SH3TC1: variants seen among roughly 807,000 people sequenced by gnomAD.
SH3TC1 encodes the protein SH3 domain and tetratricopeptide repeats 1.
SH3TC1 carries 135 observed loss-of-function variants against 117.3 expected under a neutral mutation model. That is an observed-to-expected ratio of 1.15 (90% CI 1.00 to 1.33). SH3TC1 has a LOEUF of 1.33. SH3TC1 is among the 40% of genes most tolerant of loss of function. SH3TC1 has a pLI of 0.00. For missense variants in SH3TC1, 2,092 were observed against 1,794.3 expected (o/e 1.17, Z -3.00); for synonymous variants, 898 against 816.9 (o/e 1.10, Z -1.69).
In SH3TC1 at chr4:8,225,342, C is replaced by T. The variant is rs1030964369; in HGVS notation, c.1285+126C>T. 9.5e-5 allele frequency: 106 copies of T among 1,119,336 alleles called. No individual in the cohort carries two copies. Among genetic ancestry groups the T allele is most frequent in the South Asian group, 3.3e-4 (23 of 70,164 alleles). 69.3% of individuals were successfully genotyped at this position (1,119,336 alleles called of 1,614,324 possible). On this transcript the variant is annotated intron_variant, in intron 11 of 17. Transcript: ENST00000245105. The surrounding 1 kb of genome is among the most constrained non-coding windows in gnomAD (Gnocchi z 5.5). ...GGCTGTCACCCCTCTGTGGTGTGGG[C>T]TGGGGGCTTGGGGGAGGTTGCCTGA...
At chr4:8,214,178 G>A (rs1404471594) in intron 4 of SH3TC1, among the ~76,000 whole-genome samples, 1 of 152,152 alleles carries the variant, frequency 6.6e-6, no homozygotes, top group African/African-American at 2.4e-5. Flanking sequence ...TCACTGGTGT[G>A]TGGGGGATAA....
At position 8,227,450 on chromosome 4, in the gene SH3TC1, G is replaced by GC; in HGVS notation, c.1757dup (p.Leu587AlafsTer50). 2 of 1,562,356 alleles carry GC rather than the reference G, an allele frequency of 1.3e-6. No homozygotes were observed. Among genetic ancestry groups the GC allele is most frequent in the Non-Finnish European group, 1.7e-6 (2 of 1,158,396 alleles). ...CCAGGCCCGGGTGTACTTTGAGGAA[G>GC]CGCTGGGGGCCCTGGAGGGCAGCTT... On this transcript the variant is annotated frameshift_variant, in exon 12 of 18. Coordinates refer to ENST00000245105, the MANE Select transcript of SH3TC1 (RefSeq NM_018986.5). LOFTEE classifies it high-confidence loss of function.
chr4:8,209,753 G>C lies in SH3TC1; in HGVS notation c.178G>C (p.Ala60Pro). 2 of 1,613,728 alleles carry C rather than the reference G, an allele frequency of 1.2e-6. No homozygotes were observed. Among genetic ancestry groups the C allele is most frequent in the South Asian group, 1.1e-5 (1 of 91,056 alleles). Residue 60 changes from alanine (A) to proline (P), a missense_variant, in exon 3 of 18, where the codon GCT becomes CCT. Coordinates refer to ENST00000245105, the MANE Select transcript of SH3TC1 (RefSeq NM_018986.5). This position sits in a 1 kb window ranked among gnomAD's most constrained non-coding sequence, Gnocchi z 5.9. ...GGGAACCTGCTGTGTTGCAGACGAG[G>C]CTCCTCCTGCCCGCGTGGCTGGGCC... ...EAKAPVRGDE[A>P]PPARVAGPAA...
intron 7 of SH3TC1, among the ~76,000 whole-genome samples, chr4:8,217,582 G>A (rs1719426078): frequency 6.6e-6 from 1 of 152,244 alleles, no homozygotes; most frequent in Non-Finnish European, 1.5e-5. Flanking sequence ...GCTGAAGCGG[G>A]GGGCATTAAC....
At chr4:8,185,410 C>T (rs571557484) in intron 1 of SH3TC1, among the ~76,000 whole-genome samples, 1 of 152,226 alleles carries the variant, frequency 6.6e-6, no homozygotes, top group South Asian at 2.1e-4. Flanking sequence ...GAAATGGAGT[C>T]ATGTATCTGT....
At position 8,210,978 on chromosome 4, in the gene SH3TC1, G is replaced by C. The variant is rs997307927; in HGVS notation, c.247+1156G>C. Among the ~76,000 whole-genome samples the C allele has an allele frequency of 2.0e-5, 3 of 151,616 alleles. No homozygotes were observed. The highest frequency in any genetic ancestry group is 7.3e-5 in the African/African-American group (3 of 41,068). ...TTCAAAGGTGTGAGAATCCATCTCT[G>C]TCTCTGTCTCATTTCCATCTGTCTC... On this transcript the variant is annotated intron_variant, in intron 3 of 17. Transcript: ENST00000245105. This position sits in a 1 kb window ranked among gnomAD's most constrained non-coding sequence, Gnocchi z 4.1.
chr4:8,231,856 CTG>C, intron 12 of SH3TC1, 118 bp from the exon 13 acceptor site: 1 of 1,224,248 alleles, frequency 8.2e-7, no homozygotes, highest in Non-Finnish European at 1.1e-6. Context: ...GGTTCCCCGC[CTG>C]TGGGGCCCAG....
At chr4:8,238,084 C>T (rs1721983423) in intron 17 of SH3TC1, among the ~76,000 whole-genome samples, 1 of 152,200 alleles carries the variant, frequency 6.6e-6, no homozygotes, top group African/African-American at 2.4e-5. Context: ...CATGTTGCAA[C>T]ATCCAACCCA....
chr4:8,227,114 G>C lies in SH3TC1; in HGVS notation c.1420G>C (p.Asp474His). The C allele has an allele frequency of 6.2e-7, 1 of 1,612,704 alleles. No individual in the cohort carries two copies. The highest frequency in any genetic ancestry group is 1.3e-5 in the African/African-American group (1 of 75,034). The change falls in exon 12 of 18, where the codon GAC becomes CAC. Residue 474 changes from aspartate to histidine, a missense_variant. Coordinates refer to ENST00000245105, the MANE Select transcript of SH3TC1 (RefSeq NM_018986.5). ...ASWGLCAASS[D>H]VSLQDPEEPS... ...CTGGGGTCTCTGTGCGGCATCCAGC[G>C]ACGTGAGCTTGCAGGACCCCGAGGA...
At chr4:8,196,479 G>A (rs1717559603), upstream of SH3TC1, among the ~76,000 whole-genome samples, 1 of 152,148 alleles carries the variant, frequency 6.6e-6, no homozygotes. The surrounding 1 kb of genome is among the most constrained non-coding windows in gnomAD (Gnocchi z 4.6). Flanking sequence ...ATGCCTCGGG[G>A]GTGGCCACTC....
chr4:8,233,567 C>T (rs769086737), intron 14 of SH3TC1, 54 bp downstream of exon 14: 1 of 1,522,902 alleles, frequency 6.6e-7, no homozygotes, highest in Non-Finnish European at 8.8e-7. Context: ...CTCCATCCAT[C>T]CATCCGTCCA....
rs775496304 is a variant in SH3TC1, at chr4:8,235,517, G to A, written c.3367G>A (p.Gly1123Arg). 2.5e-5 allele frequency: 40 copies of A among 1,606,558 alleles called. No individual in the cohort carries two copies. Among genetic ancestry groups the A allele is most frequent in the Middle Eastern group, 1.7e-4 (1 of 6,032 alleles). ...FEAAGDIFFD[G>R]AWEREKAVSF... ...GGCGGCTGGAGACATCTTCTTCGAC[G>A]GGGCCTGGGAGCGGGAGAAAGCTGT... The change falls in exon 15 of 18, where the codon GGG becomes AGG. Residue 1123 changes from glycine (G) to arginine (R), a missense_variant. By Grantham distance (125) the Gly-to-Arg change is moderately radical (BLOSUM62 -2). Coordinates refer to ENST00000245105, the MANE Select transcript of SH3TC1 (RefSeq NM_018986.5).
chr4:8,226,809 G>A (rs1196378631), intron 11 of SH3TC1, among the ~76,000 whole-genome samples, 171 bp from the exon 12 acceptor site: 2 of 152,156 alleles, frequency 1.3e-5, no homozygotes, highest in Non-Finnish European at 2.9e-5. Context: ...CCAGGCCCTG[G>A]GTTTGCATTG....
rs371754143 is a variant in SH3TC1, at chr4:8,216,300, G to A, written c.628+43G>A. 43 of 1,590,642 alleles carry A rather than the reference G, an allele frequency of 2.7e-5. No individual in the cohort carries two copies. In the African/African-American group the frequency reaches 5.3e-4, roughly 20 times the overall value. On this transcript the variant is annotated intron_variant, in intron 6 of 17. Coordinates refer to ENST00000245105, the MANE Select transcript of SH3TC1 (RefSeq NM_018986.5). Reference sequence around the variant, plus strand: ...TGATGGCCGAGATCCAGCTGTGCGGGGCACTCCCGGGCCATGGGGTGACAG... The same window carrying A: ...TGATGGCCGAGATCCAGCTGTGCGGAGCACTCCCGGGCCATGGGGTGACAG...
intron 8 of SH3TC1, among the ~76,000 whole-genome samples, chr4:8,219,066 C>A (rs1033720793): frequency 1.7e-4 from 26 of 152,154 alleles, no homozygotes; most frequent in Non-Finnish European, 2.9e-5. Context: ...GAGGAAAGAG[C>A]CTTGGCCTTG....
intron 1 of SH3TC1, among the ~76,000 whole-genome samples, chr4:8,188,442 A>G (rs948871474): frequency 6.6e-5 from 10 of 152,198 alleles, no homozygotes; most frequent in Non-Finnish European, 8.8e-5. Flanking sequence ...CCCCTCCCCT[A>G]CGCTGGCAGG....
chr4:8,214,419 G>A, intron 4 of SH3TC1, 56 bp from the exon 5 acceptor site: 1 of 1,533,540 alleles, frequency 6.5e-7, no homozygotes, highest in South Asian at 1.1e-5. Context: ...CTGTCCTCCT[G>A]ACAGATGCCC....
chr4:8,227,975 C>T lies in SH3TC1; in HGVS notation c.2281C>T (p.Leu761Phe). The change falls in exon 12 of 18, where the codon CTC becomes TTC. Residue 761 changes from leucine to phenylalanine, a missense_variant. Transcript: ENST00000245105. ...CCAGAACGCCCCCCAGCCCCACAGC[C>T]TCCCTGCCCAAACTTCCCACTACCT... ...VLQNAPQPHS[L>F]PAQTSHYLRQ... The T allele has an allele frequency of 6.2e-7, 1 of 1,612,446 alleles. No homozygotes were observed. The highest frequency in any genetic ancestry group is 8.5e-7 in the Non-Finnish European group (1 of 1,179,782).
rs1009190235 is a variant in SH3TC1 at position 8,183,456 on chromosome 4, G to A, written c.-57+1246G>A. ...GGAGGCGTGGCCCAGGGAGGCTCCC[G>A]GGCTGGCCTGAGGCCCATGGCAAGC... On this transcript the variant is annotated intron_variant, in intron 1 of 16. Coordinates refer to the SH3TC1 transcript ENST00000508641. The surrounding 1 kb of genome is among the most constrained non-coding windows in gnomAD (Gnocchi z 5.4). Among the ~76,000 whole-genome samples the A allele has an allele frequency of 5.3e-5, 8 of 152,158 alleles. No individual in the cohort carries two copies. The highest frequency in any genetic ancestry group is 1.0e-4 in the Non-Finnish European group (7 of 68,018).
Sources: allele counts gnomAD v4.1 joint callset (sites outside exome capture counted in the v4.1 genomes callset), GRCh38; gene constraint gnomAD v4.1.1; non-coding constraint Gnocchi (gnomAD v3.1); transcripts MANE v1.5; gene names NCBI Gene and HGNC (gene_info 2026-07-23, HGNC 2026-07-21).